Variants in EXD3 observed in about 807,000 individuals in gnomAD.
EXD3 encodes exonuclease mut-7 homolog.
EXD3 carries 92 observed loss-of-function variants against 98.0 expected under a neutral mutation model. The observed-to-expected ratio is 0.94, with a 90% CI of 0.79 to 1.12. The LOEUF (loss-of-function observed/expected upper bound fraction) is 1.12, where lower values mean the gene tolerates loss of function less well. Ranked by LOEUF, EXD3 falls within the 50% of genes most tolerant of loss-of-function variation. The pLI is 0.00. For synonymous variants in EXD3, 569 were observed against 526.0 expected, an observed-to-expected ratio of 1.08 and a Z score of -1.12; for missense variants, 1,222 against 1,191.6, an observed-to-expected ratio of 1.03 and a Z score of -0.38.
chr9:137,414,613 C>T (rs116591633), intron 1 of EXD3, among the ~76,000 whole-genome samples: 1,671 of 152,298 alleles, frequency 0.011, 21 homozygotes, highest in African/African-American at 0.037. Context: ...GCCTCACCAA[C>T]GCCTGTTGCG....
In EXD3 at chr9:137,405,834, G is replaced by A. The variant is rs1837687770; in HGVS notation, c.-47-10430C>T. ...CTCCCCGCCCTGCCTACCATCTGCT[G>A]CCCTGGAACCCTTGGTGGGACCCGC... On this transcript the variant is annotated intron_variant, in intron 1 of 21. Transcript: ENST00000340951. The surrounding 1 kb of genome is among the most constrained non-coding windows in gnomAD (Gnocchi z 4.1). 6.6e-6 allele frequency among the ~76,000 whole-genome samples: 1 copy of A among 152,244 alleles called. No individual in the cohort carries two copies. The highest frequency in any genetic ancestry group is 2.4e-5 in the African/African-American group (1 of 41,464).
intron 2 of EXD3, among the ~76,000 whole-genome samples, chr9:137,387,420 G>A (rs1836659780): frequency 1.3e-5 from 2 of 152,192 alleles, no homozygotes; most frequent in African/African-American, 4.8e-5. Context: ...CAGGTGTGGC[G>A]GGACAAGTGT....
intron 1 of EXD3, among the ~76,000 whole-genome samples, chr9:137,399,237 T>C (rs112310376): frequency 0.01 from 1,539 of 152,286 alleles, 24 homozygotes; most frequent in African/African-American, 0.035. Flanking sequence ...AGTGCCAGCA[T>C]CTTCTGGGGA....
intron 19 of EXD3, among the ~76,000 whole-genome samples, chr9:137,318,326 C>T (rs1281707730): frequency 6.6e-6 from 1 of 152,140 alleles, no homozygotes; most frequent in Admixed American, 6.5e-5. Context: ...TGCCGGCACC[C>T]CCCCTCGTCC....
At chr9:137,356,603 T>C (rs1282500167) in intron 7 of EXD3, among the ~76,000 whole-genome samples, 2 of 152,188 alleles carry the variant, frequency 1.3e-5, no homozygotes, top group Non-Finnish European at 2.9e-5. Context: ...TGTGATCTCT[T>C]GATTGTTGAC....
At chr9:137,381,954 G>A (rs980812724) in intron 3 of EXD3, among the ~76,000 whole-genome samples, 12 of 151,796 alleles carry the variant, frequency 7.9e-5, no homozygotes, top group African/African-American at 2.7e-4. Flanking sequence ...AGGAGGAGGT[G>A]AGGGCGCAGG....
At chr9:137,359,652 G>A (rs1331320169) in intron 7 of EXD3, among the ~76,000 whole-genome samples, 1 of 85,814 alleles carries the variant, frequency 1.2e-5, no homozygotes, top group African/African-American at 3.2e-5. Context: ...TTATTTGCCC[G>A]ATTTTGAACT....
In EXD3 at chr9:137,360,128, T is replaced by C. The variant is rs1442977706; in HGVS notation, c.657-3760A>G. On this transcript the variant is annotated intron_variant, in intron 7 of 21. Coordinates refer to ENST00000340951, the MANE Select transcript of EXD3 (RefSeq NM_017820.5). ...GTGGTGGTATTTCTTTGTGGCTTAA[T>C]TTGCATTTCCCTGATATTAATGGTG... Among the ~76,000 whole-genome samples the C allele has an allele frequency of 2.3e-5, 2 of 86,382 alleles. 1 individual carries two copies. Among genetic ancestry groups the C allele is most frequent in the Non-Finnish European group, 5.7e-5 (2 of 35,170 alleles). The allele number at this position is 86,382 out of a possible 152,430, so 56.7% of individuals were successfully genotyped here. A position where few individuals can be genotyped will look rare whatever the true frequency, so the allele number is the denominator to read the frequency against.
intron 10 of EXD3, chr9:137,353,111 G>A (rs1314439533): frequency 4.6e-5 from 55 of 1,188,062 alleles, no homozygotes; most frequent in South Asian, 3.3e-4. Context: ...CCAAGCCTCC[G>A]CTGACCTTCC....
chr9:137,355,570 T>TGGAGGAAGGAGAAAGGAGGAAGGAGGAA (rs1834659374), intron 8 of EXD3, among the ~76,000 whole-genome samples: 1 of 3,854 alleles, frequency 2.6e-4, no homozygotes, highest in Non-Finnish European at 4.7e-4. Flanking sequence ...GAAGGGAGGA[T>TGGAGGAAGGAGAAAGGAGGAAGGAGGAA]GGAGGAAGGA....
At chr9:137,340,343 G>A (rs997971371) in intron 17 of EXD3, among the ~76,000 whole-genome samples, 39 of 151,898 alleles carry the variant, frequency 2.6e-4, no homozygotes, top group African/African-American at 8.7e-4. Context: ...TGGGTGTGGC[G>A]GTGCGTGCCT....
At chr9:137,333,034 G>A (rs1833170228) in intron 17 of EXD3, among the ~76,000 whole-genome samples, 2 of 152,100 alleles carry the variant, frequency 1.3e-5, no homozygotes, top group African/African-American at 2.4e-5. Context: ...ACCCTCAGTG[G>A]GCACCGTCTA....
intron 8 of EXD3, among the ~76,000 whole-genome samples, chr9:137,356,059 C>T (rs1351996929): frequency 6.6e-6 from 1 of 152,190 alleles, no homozygotes; most frequent in Non-Finnish European, 1.5e-5. Flanking sequence ...GCTCATAGAC[C>T]CGTTGGCTGC....
chr9:137,348,334 GTC>G lies in EXD3; in HGVS notation c.1831-98_1831-97del, dbSNP rs143397897. On this transcript the variant is annotated intron_variant, in intron 16 of 21. Transcript: ENST00000340951. ...CCTGAGGCTGTGTGGCCAGCACTCT[GTC>G]TCTGTTTTATCTTCAAAAGATAAAA... 4.6e-4 allele frequency: 609 copies of G among 1,309,686 alleles called. 4 individuals are homozygous for G. The African/African-American group carries it at 8.4e-3, about 18-fold the overall frequency. The allele number at this position is 1,309,686 out of a possible 1,614,324, so 81.1% of individuals were successfully genotyped here. A position where few individuals can be genotyped will look rare whatever the true frequency, so the allele number is the denominator to read the frequency against.
At chr9:137,379,621 C>T (rs964700359) in intron 3 of EXD3, among the ~76,000 whole-genome samples, 1 of 151,962 alleles carries the variant, frequency 6.6e-6, no homozygotes, top group Admixed American at 6.6e-5. Context: ...GAAAGATTCA[C>T]GAAGCACGAC....
Position 137,393,159 on chromosome 9 carries a change from T to C in EXD3, c.55+2144A>G, listed in dbSNP as rs1200042890. The stretch of plus-strand genomic sequence containing the variant: ...GGCGCCGAGGCTGTTCCAGGGGCCC[T>C]GCTAGCTGGGGTGTTGCACTTTGAA... On this transcript the variant is annotated intron_variant, in intron 2 of 21. Coordinates refer to ENST00000340951, the MANE Select transcript of EXD3 (RefSeq NM_017820.5). This position sits in a 1 kb window ranked among gnomAD's most constrained non-coding sequence, Gnocchi z 4.6. The C allele has an allele frequency of 2.8e-6, 2 of 702,240 alleles. No individual in the cohort carries two copies. Among genetic ancestry groups the C allele is most frequent in the Middle Eastern group, 2.5e-4 (1 of 3,970 alleles). 43.5% of individuals were successfully genotyped at this position (702,240 alleles called of 1,614,324 possible).
intron 20 of EXD3, among the ~76,000 whole-genome samples, chr9:137,309,297 C>A (rs75233705): frequency 6.6e-6 from 1 of 152,036 alleles, no homozygotes; most frequent in Non-Finnish European, 1.5e-5. Flanking sequence ...CTGTGTGCAC[C>A]GCATGCCTGG....
intron 7 of EXD3, chr9:137,366,250 C>T (rs1383563285): frequency 8.5e-6 from 6 of 706,426 alleles, no homozygotes; most frequent in East Asian, 2.7e-5. Flanking sequence ...GAATTATTTT[C>T]GTTCTTCTAA....
chr9:137,332,168 C>G (rs954670975), intron 17 of EXD3, among the ~76,000 whole-genome samples: 9 of 152,178 alleles, frequency 5.9e-5, no homozygotes, highest in African/African-American at 2.2e-4. Flanking sequence ...CTGCCCAAAG[C>G]AATCTATAGA....
Sources: gnomAD v4.1 joint callset for allele counts (sites outside exome capture counted in the v4.1 genomes callset) on GRCh38, gnomAD v4.1.1 for gene constraint, Gnocchi (gnomAD v3.1) non-coding constraint, MANE v1.5 for transcripts, NCBI Gene and HGNC (gene_info 2026-07-23, HGNC 2026-07-21) for gene names.